GALNT10: variants seen among roughly 807,000 people sequenced by gnomAD.
GALNT10 encodes polypeptide N-acetylgalactosaminyltransferase 10.
Under a neutral mutation model 75.0 loss-of-function variants are expected in GALNT10, and 41 were observed. The ratio of observed to expected loss-of-function variants is 0.55; its 90% CI spans 0.43 to 0.71. GALNT10 has a LOEUF of 0.71. Among genes scored for constraint, GALNT10 ranks in the 30% least tolerant of loss-of-function variants. GALNT10 has a pLI of 0.00. For missense variants in GALNT10, 727 were observed against 818.5 expected (o/e 0.89, Z 1.36); for synonymous variants, 302 against 313.0 (o/e 0.96, Z 0.37).
chr5:154,259,322 A>C (rs1753663246), intron 1 of GALNT10, among the ~76,000 whole-genome samples: 4 of 152,184 alleles, frequency 2.6e-5, no homozygotes. Flanking sequence ...CATTTAGGCA[A>C]GAATAACACA....
At chr5:154,373,427 G>C (rs1211906998) in intron 4 of GALNT10, among the ~76,000 whole-genome samples, 3 of 152,206 alleles carry the variant, frequency 2.0e-5, no homozygotes, top group African/African-American at 7.2e-5. Flanking sequence ...TTACAATCAA[G>C]CAGGGTGAAT....
At position 154,247,516 on chromosome 5, in the gene GALNT10, A is replaced by G. The variant is rs182736109; in HGVS notation, c.160-47300A>G. On this transcript the variant is annotated intron_variant, in intron 1 of 11. Transcript: ENST00000297107. ...CAGTCGTTTGTAGTTGTCCTTGAAG[A>G]GGTCCTTCACATCCTTGTAAGTTGG... Among the ~76,000 whole-genome samples the G allele has an allele frequency of 5.1e-4, 78 of 152,280 alleles. 1 individual carries two copies. The highest frequency in any genetic ancestry group is 1.7e-3 in the Admixed American group (26 of 15,304).
chr5:154,269,362 A>G (rs1753827195), intron 1 of GALNT10, among the ~76,000 whole-genome samples: 1 of 152,146 alleles, frequency 6.6e-6, no homozygotes, highest in Non-Finnish European at 1.5e-5. Context: ...GATTTTGTGA[A>G]TACTTAATTT....
At chr5:154,362,027 CT>C (rs1423588587) in intron 4 of GALNT10, among the ~76,000 whole-genome samples, 4 of 152,184 alleles carry the variant, frequency 2.6e-5, no homozygotes, top group Non-Finnish European at 2.9e-5. Context: ...AACAAGATGC[CT>C]CTCCAGGGCT....
chr5:154,213,904 A>G (rs755011189), intron 1 of GALNT10, among the ~76,000 whole-genome samples: 2 of 152,168 alleles, frequency 1.3e-5, no homozygotes, highest in Non-Finnish European at 2.9e-5. Context: ...GCTAGAGCCA[A>G]TTACTAAATC....
At chr5:154,327,164 C>T (rs1206826381) in intron 3 of GALNT10, among the ~76,000 whole-genome samples, 2 of 151,762 alleles carry the variant, frequency 1.3e-5, no homozygotes, top group African/African-American at 4.8e-5. Flanking sequence ...TGCATTGAGC[C>T]GAGATTGTGT....
At chr5:154,272,114 C>A (rs1310927633) in intron 1 of GALNT10, among the ~76,000 whole-genome samples, 1 of 152,176 alleles carries the variant, frequency 6.6e-6, no homozygotes, top group East Asian at 1.9e-4. Context: ...GTGCAGGCGG[C>A]CCCTCTGTTA....
At chr5:154,375,763 T>C (rs1320281885) in intron 4 of GALNT10, among the ~76,000 whole-genome samples, 1 of 152,222 alleles carries the variant, frequency 6.6e-6, no homozygotes, top group East Asian at 1.9e-4. Context: ...TCAATAATGC[T>C]GCAGAATATT....
chr5:154,268,846 T>C (rs1753814935), intron 1 of GALNT10, among the ~76,000 whole-genome samples: 1 of 152,126 alleles, frequency 6.6e-6, no homozygotes, highest in South Asian at 2.1e-4. Context: ...ATATTAAAAT[T>C]CACTTTGGAG....
intron 1 of GALNT10, among the ~76,000 whole-genome samples, chr5:154,216,994 A>T (rs573612727): frequency 6.6e-6 from 1 of 152,260 alleles, no homozygotes; most frequent in African/African-American, 2.4e-5. Flanking sequence ...GCACTGCTTT[A>T]ATTATGAGAC....
chr5:154,282,019 A>G (rs59769613), intron 1 of GALNT10, among the ~76,000 whole-genome samples: 85,539 of 152,130 alleles, frequency 0.56, 24,810 homozygotes, highest in East Asian at 0.77. Flanking sequence ...GCCAGAAACT[A>G]GATAATGTAT....
chr5:154,332,385 G>A (rs538873873), intron 4 of GALNT10, among the ~76,000 whole-genome samples: 1 of 152,184 alleles, frequency 6.6e-6, no homozygotes, highest in Non-Finnish European at 1.5e-5. Context: ...TCTCTGTCCT[G>A]GAGCACAGCA....
intron 4 of GALNT10, among the ~76,000 whole-genome samples, chr5:154,333,313 G>A (rs1561663984): frequency 6.6e-6 from 1 of 152,198 alleles, no homozygotes; most frequent in South Asian, 2.1e-4. Context: ...CCCCATATCT[G>A]GGCCACAGTG....
chr5:154,307,711 T>C (rs1754455917), intron 3 of GALNT10, among the ~76,000 whole-genome samples: 1 of 151,750 alleles, frequency 6.6e-6, no homozygotes, highest in Non-Finnish European at 1.5e-5. Flanking sequence ...AAAACCAGCA[T>C]TATCCTGATA....
At chr5:154,393,356 G>A (rs950226026) in intron 7 of GALNT10, among the ~76,000 whole-genome samples, 26 of 152,272 alleles carry the variant, frequency 1.7e-4, no homozygotes, top group Admixed American at 3.9e-4. Context: ...TTACAGGTAT[G>A]AGCCACCGCG....
chr5:154,229,793 G>T (rs1042022733), intron 1 of GALNT10, among the ~76,000 whole-genome samples: 1 of 152,044 alleles, frequency 6.6e-6, no homozygotes, highest in Admixed American at 6.6e-5. Flanking sequence ...TACTCCTTCC[G>T]TAGTATCCCT....
intron 7 of GALNT10, 60 bp from the exon 8 acceptor site, chr5:154,404,044 T>G: frequency 7.5e-7 from 1 of 1,330,536 alleles, no homozygotes; most frequent in Non-Finnish European, 1.1e-6. Flanking sequence ...GATGCTGGCC[T>G]GGCGGGATGG....
chr5:154,325,914 A>G (rs1302806617), intron 3 of GALNT10, among the ~76,000 whole-genome samples: 1 of 152,232 alleles, frequency 6.6e-6, no homozygotes, highest in African/African-American at 2.4e-5. Context: ...TATATTGGAA[A>G]GGAATAAGTA....
chr5:154,397,355 T>G (rs575004450), intron 7 of GALNT10, among the ~76,000 whole-genome samples: 1 of 152,234 alleles, frequency 6.6e-6, no homozygotes, highest in African/African-American at 2.4e-5. Flanking sequence ...TTGTGTAGCA[T>G]TCATGCAACG....
Sources: gnomAD v4.1 joint callset for allele counts (sites outside exome capture counted in the v4.1 genomes callset) on GRCh38, gnomAD v4.1.1 for gene constraint, MANE v1.5 for transcripts, NCBI Gene and HGNC (gene_info 2026-07-23, HGNC 2026-07-21) for gene names.